Variants in XRN2 observed in about 807,000 individuals in gnomAD.
XRN2 encodes DHM1-like protein.
XRN2 carries 44 observed loss-of-function variants against 138.5 expected under a neutral mutation model. The observed-to-expected ratio is 0.32, with a 90% confidence interval of 0.25 to 0.41. The LOEUF (loss-of-function observed/expected upper bound fraction) is 0.41. Among genes scored for constraint, XRN2 ranks in the 10% least tolerant of loss-of-function variants. The probability of loss-of-function intolerance (pLI) is 1.00; values close to 1 mark genes in which losing one functional copy is unlikely to be tolerated. For synonymous variants in XRN2, 354 were observed against 369.4 expected (o/e 0.96, Z 0.48); for missense variants, 937 against 1,169.3 (o/e 0.80, Z 2.90).
At chr20:21,354,255 A>G (rs955590647) in intron 20 of XRN2, among the ~76,000 whole-genome samples, 2 of 152,164 alleles carry the variant, frequency 1.3e-5, no homozygotes, top group Non-Finnish European at 1.5e-5. Context: ...TTTTTTGTAT[A>G]TAAATTAATT....
chr20:21,328,319 T>G (rs927936275), intron 3 of XRN2, among the ~76,000 whole-genome samples: 2 of 152,194 alleles, frequency 1.3e-5, no homozygotes, highest in Non-Finnish European at 2.9e-5. Flanking sequence ...TAGGGCTTCA[T>G]AGGATGTTTG....
chr20:21,316,916 T>C (rs2037967066), intron 1 of XRN2, among the ~76,000 whole-genome samples: 1 of 152,240 alleles, frequency 6.6e-6, no homozygotes, highest in Non-Finnish European at 1.5e-5. Flanking sequence ...GAATACTCAT[T>C]GCAAGTGTAT....
At chr20:21,316,081 C>T (rs551644473) in intron 1 of XRN2, among the ~76,000 whole-genome samples, 7 of 152,106 alleles carry the variant, frequency 4.6e-5, no homozygotes, top group South Asian at 2.1e-4. Context: ...GGTGAAACCC[C>T]GTCTCTACTG....
intron 23 of XRN2, 52 bp from the exon 24 acceptor site, chr20:21,357,684 C>T (rs2038592156): frequency 2.1e-6 from 3 of 1,439,988 alleles, no homozygotes; most frequent in African/African-American, 1.4e-5. Context: ...TTTCCACTTA[C>T]CTAAAAGGTT....
In XRN2 at chr20:21,333,941, A is replaced by G. The variant is rs201037242; in HGVS notation, c.1072A>G (p.Asn358Asp). 1 of 1,614,126 alleles carries G rather than the reference A, an allele frequency of 6.2e-7. No individual in the cohort carries two copies. The highest frequency in any genetic ancestry group is 2.2e-5 in the East Asian group (1 of 44,864). ...PHLPSLEIRE[N>D]AIDRLVNIYK... ...ATGTTTGTCTCTTGCTGACAGGGAA[A>G]ATGCAATTGACCGTTTGGTTAACAT... Residue 358 changes from asparagine to aspartate, a missense_variant, in exon 12 of 30, where the codon AAT (asparagine) becomes GAT (aspartate). Physicochemically the swap from Asn to Asp is conservative, Grantham distance 23 (BLOSUM62 1). This residue lies in a region of XRN2 where 471 missense variants were observed against 581.2 expected (regional missense o/e 0.81). Transcript: ENST00000377191.
At chr20:21,360,533 C>G (rs1458969618) in intron 24 of XRN2, among the ~76,000 whole-genome samples, 1 of 151,538 alleles carries the variant, frequency 6.6e-6, no homozygotes, top group Non-Finnish European at 1.5e-5. Context: ...CATAGTGTTG[C>G]AACCAGTGTT....
chr20:21,371,524 T>C (rs2038760998), intron 27 of XRN2, among the ~76,000 whole-genome samples: 1 of 152,228 alleles, frequency 6.6e-6, no homozygotes, highest in Admixed American at 6.5e-5. Context: ...AAATAACATT[T>C]CTAGGTATTT....
chr20:21,377,645 G>A (rs2038840722), intron 27 of XRN2, among the ~76,000 whole-genome samples: 2 of 150,470 alleles, frequency 1.3e-5, no homozygotes, highest in Admixed American at 6.6e-5. Flanking sequence ...TTCAATATTT[G>A]TGTAGAACCA....
chr20:21,365,799 C>T (rs938949516), intron 26 of XRN2, 95 bp downstream of exon 26: 1 of 237,240 alleles, frequency 4.2e-6, no homozygotes. Context: ...AAATTTATGC[C>T]ATATATATAA....
intron 1 of XRN2, among the ~76,000 whole-genome samples, chr20:21,313,331 G>A (rs1231743975): frequency 2.0e-5 from 3 of 152,228 alleles, no homozygotes; most frequent in Non-Finnish European, 4.4e-5. Flanking sequence ...GTCCTCATTT[G>A]TTGCCAGCTG....
At chr20:21,343,952 C>A (rs1223657578) in intron 15 of XRN2, 138 bp from the exon 16 acceptor site, 1 of 586,056 alleles carries the variant, frequency 1.7e-6, no homozygotes, top group East Asian at 2.8e-5. Context: ...TCTGTACCTT[C>A]TAAATATGTT....
intron 27 of XRN2, among the ~76,000 whole-genome samples, chr20:21,377,154 C>T (rs1181379285): frequency 6.7e-6 from 1 of 150,300 alleles, no homozygotes; most frequent in Admixed American, 6.7e-5. Context: ...CTAGAATGGT[C>T]ATTAAAGTAT....
Position 21,332,329 on chromosome 20 carries a change from C to T in XRN2, c.747C>T (p.Thr249=). ...TTGCCACACATGAACCGAACTTTAC[C>T]ATTATTAGAGAAGAATTCAAACCAA... ...LGLATHEPNF[T]IIREEFKPNK... The change falls in exon 9 of 30, where the codon ACC becomes ACT. Residue 249 remains threonine, a synonymous_variant. Transcript: ENST00000377191. 1 of 1,613,476 alleles carries T rather than the reference C, an allele frequency of 6.2e-7. No individual in the cohort carries two copies. The highest frequency in any genetic ancestry group is 1.3e-5 in the African/African-American group (1 of 74,958).
At chr20:21,362,573 C>T (rs767456901) in intron 24 of XRN2, among the ~76,000 whole-genome samples, 2 of 152,176 alleles carry the variant, frequency 1.3e-5, no homozygotes, top group African/African-American at 2.4e-5. Context: ...TCGCACACTG[C>T]TGCTGGGTTG....
At chr20:21,353,370 G>T (rs1052676339) in intron 20 of XRN2, among the ~76,000 whole-genome samples, 6 of 149,888 alleles carry the variant, frequency 4.0e-5, no homozygotes, top group African/African-American at 1.5e-4. Flanking sequence ...AATTTCCTGG[G>T]TTTTTTTCAT....
intron 21 of XRN2, among the ~76,000 whole-genome samples, chr20:21,355,606 T>C (rs1244195501): frequency 2.0e-5 from 3 of 152,174 alleles, no homozygotes; most frequent in African/African-American, 4.8e-5. Flanking sequence ...GGGTTTTTTT[T>C]CCTGATAACT....
intron 23 of XRN2, among the ~76,000 whole-genome samples, 178 bp downstream of exon 23, chr20:21,356,843 T>C (rs903162570): frequency 2.6e-5 from 4 of 152,220 alleles, no homozygotes; most frequent in South Asian, 2.1e-4. Flanking sequence ...AAAGTAGCTG[T>C]GTCACCTTGT....
intron 1 of XRN2, among the ~76,000 whole-genome samples, chr20:21,314,315 A>G (rs932142764): frequency 1.6e-4 from 24 of 152,160 alleles, no homozygotes; most frequent in Non-Finnish European, 5.9e-5. Context: ...GATATACCAC[A>G]TTTTGTTCAT....
chr20:21,373,939 TATG>T (rs1316650632), intron 27 of XRN2, among the ~76,000 whole-genome samples: 1 of 152,198 alleles, frequency 6.6e-6, no homozygotes, highest in Non-Finnish European at 1.5e-5. Context: ...ATTGCTGTCA[TATG>T]ATGAACAGAG....
Sources: gnomAD v4.1 joint callset for allele counts (sites outside exome capture counted in the v4.1 genomes callset) on GRCh38, gnomAD v4.1.1 for gene constraint, gnomAD v4.1.1 regional missense constraint, MANE v1.5 for transcripts, NCBI Gene and HGNC (gene_info 2026-07-23, HGNC 2026-07-21) for gene names.